The following MDFIC2 variants were observed in gnomAD, a reference collection of about 807,000 sequenced individuals.
The protein encoded by MDFIC2 is myoD family inhibitor domain-containing protein 2.
chr3:70,291,670 G>A (rs1249440760), intron 2 of MDFIC2, among the ~76,000 whole-genome samples: 1 of 152,158 alleles, frequency 6.6e-6, no homozygotes, highest in Admixed American at 6.5e-5. Context: ...AGATTTGCTA[G>A]CTTTTTCCCA....
intron 2 of MDFIC2, among the ~76,000 whole-genome samples, chr3:70,287,746 G>T (rs1243814831): frequency 7.3e-5 from 11 of 150,990 alleles, no homozygotes; most frequent in African/African-American, 2.7e-4. Flanking sequence ...TCCTGTTATT[G>T]GTCTATTCAG....
At chr3:70,250,121 A>G (rs1308061757) in intron 2 of MDFIC2, among the ~76,000 whole-genome samples, 1 of 152,040 alleles carries the variant, frequency 6.6e-6, no homozygotes, top group Non-Finnish European at 1.5e-5. Context: ...AAGCCAGGGG[A>G]TTTTTTAGCC....
At chr3:70,249,356 G>T (rs780885364) in intron 2 of MDFIC2, among the ~76,000 whole-genome samples, 5 of 152,130 alleles carry the variant, frequency 3.3e-5, no homozygotes, top group Non-Finnish European at 7.4e-5. Flanking sequence ...GTGTCTAAGG[G>T]GGGGATCTAT....
chr3:70,199,446 T>C (rs1701214308), intron 3 of MDFIC2, among the ~76,000 whole-genome samples: 3 of 152,188 alleles, frequency 2.0e-5, no homozygotes, highest in Admixed American at 2.0e-4. Flanking sequence ...CCTCCCTATT[T>C]TGCACTTGAG....
intron 2 of MDFIC2, chr3:70,291,042 A>T (rs6779540): frequency 0.47 from 72,141 of 152,852 alleles, 17,651 homozygotes; most frequent in East Asian, 0.81. Context: ...CGCTGGGAGC[A>T]GTAGACCAGA....
chr3:70,211,011 G>A (rs1358806289), intron 2 of MDFIC2, among the ~76,000 whole-genome samples: 2 of 152,144 alleles, frequency 1.3e-5, no homozygotes, highest in East Asian at 1.9e-4. Flanking sequence ...TTAAGAAAAC[G>A]TTTTAATGAT....
rs117576001 is a variant in MDFIC2 at position 70,214,354 on chromosome 3, T to G, written c.89-7564A>C. On this transcript the variant is annotated intron_variant, in intron 2 of 3. Transcript: ENST00000567252. The stretch of plus-strand genomic sequence containing the variant: ...AACTAAAACCCTGCCTCAAGAAACG[T>G]TAGATGAAATGTTTATCAAGGGCTA... Among the ~76,000 whole-genome samples the G allele has an allele frequency of 1.2e-3, 184 of 152,210 alleles. 4 individuals are homozygous for G. The East Asian group carries it at 0.035, about 29-fold the overall frequency.
chr3:70,260,515 G>C (rs1701856050), intron 2 of MDFIC2, among the ~76,000 whole-genome samples: 1 of 152,034 alleles, frequency 6.6e-6, no homozygotes, highest in African/African-American at 2.4e-5. Flanking sequence ...TTCTGATTGT[G>C]TTAAGTCAAG....
chr3:70,239,987 A>T (rs981803386), intron 2 of MDFIC2, among the ~76,000 whole-genome samples: 1 of 152,090 alleles, frequency 6.6e-6, no homozygotes, highest in Non-Finnish European at 1.5e-5. Flanking sequence ...ATTGAAGAAA[A>T]TACCTAATAT....
chr3:70,308,241 A>T (rs1320441010), intron 2 of MDFIC2, among the ~76,000 whole-genome samples: 3 of 148,654 alleles, frequency 2.0e-5, no homozygotes, highest in Non-Finnish European at 4.5e-5. Flanking sequence ...TTTTTATTTT[A>T]TTTTTTTTTT....
At chr3:70,304,097 G>T (rs1364810228) in intron 2 of MDFIC2, among the ~76,000 whole-genome samples, 1 of 152,108 alleles carries the variant, frequency 6.6e-6, no homozygotes, top group Non-Finnish European at 1.5e-5. Context: ...ATGTCAACCA[G>T]GGTCTATGAA....
intron 3 of MDFIC2, among the ~76,000 whole-genome samples, chr3:70,201,093 C>A (rs1576152872): frequency 6.6e-6 from 1 of 151,684 alleles, no homozygotes; most frequent in Non-Finnish European, 1.5e-5. Flanking sequence ...TGCTGGTTTG[C>A]TACATAGGTA....
At chr3:70,215,269 G>A (rs1259196638) in intron 2 of MDFIC2, among the ~76,000 whole-genome samples, 1 of 152,030 alleles carries the variant, frequency 6.6e-6, no homozygotes, top group Non-Finnish European at 1.5e-5. Context: ...GCTGGTAAGG[G>A]GCAGAGCTAG....
chr3:70,257,245 C>T (rs1221304430), intron 2 of MDFIC2, among the ~76,000 whole-genome samples: 1 of 152,232 alleles, frequency 6.6e-6, no homozygotes, highest in African/African-American at 2.4e-5. Context: ...TTCCTTAAAA[C>T]CTGGCACATC....
At chr3:70,237,265 A>C (rs1329672594) in intron 2 of MDFIC2, among the ~76,000 whole-genome samples, 1 of 152,338 alleles carries the variant, frequency 6.6e-6, no homozygotes, top group East Asian at 1.9e-4. Context: ...GAATTACTGC[A>C]TCATATTCTC....
rs1277903116 is a variant in MDFIC2 at position 70,196,797 on chromosome 3, A to C, written c.*129T>G. On this transcript the variant is annotated 3_prime_UTR_variant, in exon 4 of 4. Transcript: ENST00000567252. Reference sequence around the variant, plus strand: ...ACTAGCTTTCCTAGACAGGTGCAGAATAAAATGGCCTATAGCATCCAAGAA... The same window carrying C: ...ACTAGCTTTCCTAGACAGGTGCAGACTAAAATGGCCTATAGCATCCAAGAA... 2.5e-6 allele frequency: 1 copy of C among 396,906 alleles called. No homozygotes were observed. The highest frequency in any genetic ancestry group is 4.4e-6 in the Non-Finnish European group (1 of 225,542). 24.6% of individuals were successfully genotyped at this position (396,906 alleles called of 1,614,324 possible). A position where few individuals can be genotyped will look rare whatever the true frequency, so the allele number is the denominator to read the frequency against.
At chr3:70,263,485 C>T (rs1701887203) in intron 2 of MDFIC2, among the ~76,000 whole-genome samples, 2 of 152,224 alleles carry the variant, frequency 1.3e-5, no homozygotes, top group Admixed American at 6.5e-5. Flanking sequence ...GATGTTTCTC[C>T]TCTTGGGCTG....
At chr3:70,247,742 G>A (rs368608007) in intron 2 of MDFIC2, among the ~76,000 whole-genome samples, 1 of 151,928 alleles carries the variant, frequency 6.6e-6, no homozygotes, top group East Asian at 1.9e-4. Flanking sequence ...TATAAAGCAA[G>A]TGGGACCAAG....
intron 3 of MDFIC2, among the ~76,000 whole-genome samples, chr3:70,199,759 A>C (rs1232430553): frequency 6.6e-6 from 1 of 152,122 alleles, no homozygotes; most frequent in Non-Finnish European, 1.5e-5. Context: ...CTTTGCCTGC[A>C]CTATTTCCTG....
Sources: allele counts gnomAD v4.1 joint callset (sites outside exome capture counted in the v4.1 genomes callset), GRCh38; gene constraint gnomAD v4.1.1; transcripts MANE v1.5; gene names NCBI Gene and HGNC (gene_info 2026-07-23, HGNC 2026-07-21).